Variants in ELFN1 observed in about 807,000 individuals in gnomAD.
The protein encoded by ELFN1 is protein ELFN1.
ELFN1 carries 6 observed loss-of-function variants against 7.6 expected under a neutral mutation model. That is an observed-to-expected ratio of 0.79 (90% CI 0.43 to 1.56). The LOEUF (loss-of-function observed/expected upper bound fraction) is 1.56. ELFN1 is among the 40% of genes most tolerant of loss of function. The pLI is 0.01. For missense variants in ELFN1, 1,169 were observed against 1,232.2 expected (o/e 0.95, Z 0.77); for synonymous variants, 657 against 588.1 (o/e 1.12, Z -1.70).
chr7:1,716,260 C>A (rs1779828045), intron 3 of ELFN1, among the ~76,000 whole-genome samples: 1 of 152,220 alleles, frequency 6.6e-6, no homozygotes, highest in African/African-American at 2.4e-5. Context: ...TCCAGGTTTC[C>A]CTGCTGGTCC....
At chr7:1,686,403 C>T (rs1227059788) in intron 1 of ELFN1, among the ~76,000 whole-genome samples, 1 of 149,268 alleles carries the variant, frequency 6.7e-6, no homozygotes, top group Non-Finnish European at 1.5e-5. Flanking sequence ...GCCTGGAACT[C>T]CTGGGCTTGA....
intron 3 of ELFN1, among the ~76,000 whole-genome samples, chr7:1,720,158 C>T (rs1779975786): frequency 6.6e-6 from 1 of 152,224 alleles, no homozygotes; most frequent in South Asian, 2.1e-4. Flanking sequence ...CCAGACACCT[C>T]TCCTTTTAAA....
intron 3 of ELFN1, among the ~76,000 whole-genome samples, chr7:1,718,586 G>A (rs923285467): frequency 1.3e-5 from 2 of 152,198 alleles, no homozygotes; most frequent in African/African-American, 4.8e-5. Context: ...GTCCAAACCA[G>A]AGCACTTCTG....
In ELFN1 at chr7:1,731,415, T is replaced by A. The variant is rs117523786; in HGVS notation, c.-293-12889T>A. 1.8e-3 allele frequency among the ~76,000 whole-genome samples: 281 copies of A among 152,304 alleles called. 1 individual carries two copies. The highest frequency in any genetic ancestry group is 2.8e-3 in the Non-Finnish European group (190 of 68,012). ...AAGCTTTTTATAGAGTTATGGTGAT[T>A]GATATTGTGCTGAAATTGGTAAAAG... is the stretch of plus-strand genomic sequence containing the variant. On this transcript the variant is annotated intron_variant, in intron 3 of 3. Transcript: ENST00000424383.
intron 3 of ELFN1, among the ~76,000 whole-genome samples, chr7:1,719,759 G>A (rs567700271): frequency 5.4e-4 from 83 of 152,308 alleles, no homozygotes; most frequent in African/African-American, 2.0e-3. Context: ...AGGAGCAAAT[G>A]GCTAGGAGGT....
At chr7:1,741,944 ACACACCTGTG>A (rs1409133646) in intron 3 of ELFN1, among the ~76,000 whole-genome samples, 1 of 152,072 alleles carries the variant, frequency 6.6e-6, no homozygotes, top group Non-Finnish European at 1.5e-5. Context: ...TGCCCTGTGT[ACACACCTGTG>A]CACACACATC....
chr7:1,681,710 C>T (rs549560940), intron 1 of ELFN1, among the ~76,000 whole-genome samples: 1 of 152,336 alleles, frequency 6.6e-6, no homozygotes, highest in African/African-American at 2.4e-5. Context: ...ATGTTACATT[C>T]CCACCAGCAA....
intron 3 of ELFN1, among the ~76,000 whole-genome samples, chr7:1,731,328 G>A (rs985498711): frequency 1.3e-5 from 2 of 152,186 alleles, no homozygotes; most frequent in Non-Finnish European, 2.9e-5. Flanking sequence ...TATTCAAATG[G>A]CAAGACTAAA....
At chr7:1,720,522 T>C (rs1311791334) in intron 3 of ELFN1, among the ~76,000 whole-genome samples, 1 of 152,184 alleles carries the variant, frequency 6.6e-6, no homozygotes, top group Non-Finnish European at 1.5e-5. Context: ...CATGAATGAA[T>C]GGAAAACCGC....
intron 3 of ELFN1, among the ~76,000 whole-genome samples, chr7:1,726,436 C>T (rs773753344): frequency 1.6e-4 from 25 of 152,346 alleles, no homozygotes; most frequent in Admixed American, 4.6e-4. Context: ...CATATGCTGG[C>T]GGCACGCTCA....
upstream of ELFN1, among the ~76,000 whole-genome samples, chr7:1,669,647 C>T (rs879819500): frequency 2.6e-5 from 4 of 152,204 alleles, no homozygotes; most frequent in Non-Finnish European, 5.9e-5. Flanking sequence ...TCCAGAACCC[C>T]CTGAAGTCCT....
At chr7:1,678,367 C>T (rs1778911538) in intron 1 of ELFN1, among the ~76,000 whole-genome samples, 1 of 152,212 alleles carries the variant, frequency 6.6e-6, no homozygotes, top group East Asian at 1.9e-4. Context: ...AGCTCTCCCG[C>T]CCCACCCTGC....
chr7:1,698,556 G>A lies in ELFN1; in HGVS notation c.-456+10406G>A, dbSNP rs535671628. Among the ~76,000 whole-genome samples the A allele has an allele frequency of 8.1e-4, 124 of 152,254 alleles. 1 individual carries two copies. Among genetic ancestry groups the A allele is most frequent in the Admixed American group, 1.4e-3 (22 of 15,292 alleles). Reference sequence around the variant, plus strand: ...ATTAAACACGAATCCTTTTCTGGGGGCCTGGCATTTGAATATATGTAATAG... The same window carrying A: ...ATTAAACACGAATCCTTTTCTGGGGACCTGGCATTTGAATATATGTAATAG... On this transcript the variant is annotated intron_variant, in intron 2 of 3. Coordinates refer to ENST00000424383, the MANE Select transcript of ELFN1 (RefSeq NM_001128636.4).
At chr7:1,714,768 G>T (rs747092563) in intron 3 of ELFN1, among the ~76,000 whole-genome samples, 4 of 152,210 alleles carry the variant, frequency 2.6e-5, no homozygotes, top group African/African-American at 4.8e-5. Flanking sequence ...TGATTCAGTA[G>T]TATTTTATGC....
chr7:1,712,276 C>T (rs552628436), intron 3 of ELFN1, among the ~76,000 whole-genome samples: 25 of 151,804 alleles, frequency 1.6e-4, no homozygotes, highest in Non-Finnish European at 3.5e-4. Context: ...CACCCGCCAC[C>T]ACGCCCAGCT....
rs372597347 is a variant in ELFN1 at position 1,672,778 on chromosome 7, C to G, written c.-549+2424C>G. Among the ~76,000 whole-genome samples the G allele has an allele frequency of 2.8e-4, 42 of 152,174 alleles. No homozygotes were observed. In the East Asian group the frequency reaches 7.9e-3, roughly 29 times the overall value. ...CATTTTGGTAGGGGACTGTGTTTCT[C>G]CGTGCCAGACTCAGACACCATCGCA... On this transcript the variant is annotated intron_variant, in intron 1 of 3. Transcript: ENST00000424383.
intron 3 of ELFN1, 99 bp from the exon 4 acceptor site, chr7:1,744,205 A>T: frequency 4.2e-6 from 1 of 238,820 alleles, no homozygotes. Context: ...GCAGGGACTC[A>T]GGCCACATTG....
At chr7:1,734,147 G>A (rs769110188) in intron 3 of ELFN1, among the ~76,000 whole-genome samples, 1 of 152,184 alleles carries the variant, frequency 6.6e-6, no homozygotes, top group African/African-American at 2.4e-5. Flanking sequence ...GGGTTATGAG[G>A]GCGTGATGAG....
At chr7:1,706,532 C>G (rs894525989) in intron 2 of ELFN1, among the ~76,000 whole-genome samples, 3 of 152,256 alleles carry the variant, frequency 2.0e-5, no homozygotes, top group African/African-American at 7.2e-5. Context: ...CCACCCTCCA[C>G]GACATGCAAA....
Sources: allele counts gnomAD v4.1 joint callset (sites outside exome capture counted in the v4.1 genomes callset), GRCh38; gene constraint gnomAD v4.1.1; transcripts MANE v1.5; gene names NCBI Gene and HGNC (gene_info 2026-07-23, HGNC 2026-07-21).